The following PRKCE variants were observed in gnomAD, a reference collection of about 807,000 sequenced individuals.
PRKCE encodes the protein protein kinase C epsilon type.
Under a neutral mutation model 85.4 loss-of-function variants are expected in PRKCE, and 16 were observed. That is an observed-to-expected ratio of 0.19 (90% CI 0.13 to 0.28). The LOEUF (loss-of-function observed/expected upper bound fraction) is 0.28. Among genes scored for constraint, PRKCE ranks in the 10% least tolerant of loss-of-function variants. PRKCE has a pLI of 1.00. For synonymous variants in PRKCE, 388 were observed against 371.5 expected (o/e 1.04, Z -0.51); for missense variants, 573 against 975.2 (o/e 0.59, Z 5.49).
At chr2:45,689,738 A>G (rs1205696804) in intron 1 of PRKCE, among the ~76,000 whole-genome samples, 1 of 151,910 alleles carries the variant, frequency 6.6e-6, no homozygotes, top group Non-Finnish European at 1.5e-5. Context: ...TCTACTTAAA[A>G]TACAAAGATT....
chr2:45,869,976 G>A (rs1204904763), intron 2 of PRKCE, among the ~76,000 whole-genome samples: 1 of 152,120 alleles, frequency 6.6e-6, no homozygotes, highest in East Asian at 1.9e-4. Context: ...AAAGTGCTGG[G>A]ATTACAGGCA....
At chr2:46,108,589 C>G (rs1373633700) in intron 11 of PRKCE, among the ~76,000 whole-genome samples, 1 of 152,168 alleles carries the variant, frequency 6.6e-6, no homozygotes. Context: ...ACTGAAGACC[C>G]TGACATCACC....
chr2:45,798,728 C>T (rs367613542), intron 1 of PRKCE, among the ~76,000 whole-genome samples: 242 of 147,544 alleles, frequency 1.6e-3, no homozygotes, highest in African/African-American at 5.8e-3. Context: ...TTTATAATAT[C>T]GTTTCAAAGT....
At chr2:45,712,282 C>T (rs759643906) in intron 1 of PRKCE, among the ~76,000 whole-genome samples, 30 of 150,712 alleles carry the variant, frequency 2.0e-4, no homozygotes, top group Admixed American at 9.9e-4. Flanking sequence ...CGAGTAGCTG[C>T]GATTACAGGC....
chr2:45,976,040 G>T (rs1051285612), intron 2 of PRKCE, among the ~76,000 whole-genome samples: 1 of 152,172 alleles, frequency 6.6e-6, no homozygotes, highest in East Asian at 1.9e-4. Context: ...TGCTCAGGGG[G>T]AGGAAACACC....
intron 6 of PRKCE, among the ~76,000 whole-genome samples, chr2:45,987,849 C>A (rs549743437): frequency 1.3e-5 from 2 of 152,344 alleles, no homozygotes; most frequent in South Asian, 4.1e-4. Flanking sequence ...GGCTTCTTGG[C>A]CCTGTAGACT....
intron 2 of PRKCE, among the ~76,000 whole-genome samples, chr2:45,935,616 A>G (rs897425012): frequency 1.3e-5 from 2 of 152,064 alleles, no homozygotes; most frequent in Admixed American, 6.5e-5. Flanking sequence ...GTGAAACCCC[A>G]TCTCTACTAA....
intron 2 of PRKCE, among the ~76,000 whole-genome samples, chr2:45,965,074 T>C (rs1310935220): frequency 6.6e-6 from 1 of 152,222 alleles, no homozygotes; most frequent in Non-Finnish European, 1.5e-5. Context: ...ATGCAGGCAA[T>C]CTCAAACCTC....
intron 1 of PRKCE, among the ~76,000 whole-genome samples, chr2:45,836,107 G>A (rs1168503276): frequency 6.6e-6 from 1 of 152,124 alleles, no homozygotes; most frequent in Non-Finnish European, 1.5e-5. Flanking sequence ...TATTGAAGTA[G>A]TATAAGCTAA....
At chr2:45,698,621 AG>A (rs754587961) in intron 1 of PRKCE, among the ~76,000 whole-genome samples, 22 of 151,820 alleles carry the variant, frequency 1.4e-4, no homozygotes, top group Non-Finnish European at 2.2e-4. Context: ...AGAGGAAGAG[AG>A]GGGGAGGGGT....
At chr2:45,787,778 A>G (rs1573358535) in intron 1 of PRKCE, among the ~76,000 whole-genome samples, 1 of 152,218 alleles carries the variant, frequency 6.6e-6, no homozygotes, top group African/African-American at 2.4e-5. Flanking sequence ...GGATTTTTGC[A>G]TCTAAAGAAA....
intron 10 of PRKCE, among the ~76,000 whole-genome samples, chr2:46,053,576 ACCTC>A (rs1184822318): frequency 2.0e-5 from 3 of 152,152 alleles, no homozygotes; most frequent in Non-Finnish European, 4.4e-5. Flanking sequence ...CATTCTAGGT[ACCTC>A]ATGTGAGCGG....
At chr2:45,814,576 T>C (rs908482227) in intron 1 of PRKCE, among the ~76,000 whole-genome samples, 10 of 152,126 alleles carry the variant, frequency 6.6e-5, no homozygotes, top group Admixed American at 2.0e-4. Context: ...TACTTGTACA[T>C]GGAAAAGGAG....
intron 1 of PRKCE, among the ~76,000 whole-genome samples, chr2:45,654,887 T>G (rs1311304903): frequency 6.6e-6 from 1 of 152,152 alleles, no homozygotes; most frequent in East Asian, 1.9e-4. Context: ...TTCCCAGTCT[T>G]AACATTCAGG....
In PRKCE at chr2:45,749,778, C is replaced by G. The variant is rs114585708; in HGVS notation, c.349-93222C>G. On this transcript the variant is annotated intron_variant, in intron 1 of 14. Coordinates refer to ENST00000306156, the MANE Select transcript of PRKCE (RefSeq NM_005400.3). ...AATTGAACATGAGTCTGCTTGGTTT[C>G]TAAAGTCTTTGCTCTCAAATGCTGC... is the stretch of plus-strand genomic sequence containing the variant. Among the ~76,000 whole-genome samples the G allele has an allele frequency of 6.1e-3, 936 of 152,270 alleles. 18 individuals carry two copies. The highest frequency in any genetic ancestry group is 0.022 in the African/African-American group (895 of 41,562).
At chr2:46,044,944 A>G (rs1254353959) in intron 10 of PRKCE, among the ~76,000 whole-genome samples, 1 of 152,158 alleles carries the variant, frequency 6.6e-6, no homozygotes, top group Admixed American at 6.5e-5. Flanking sequence ...TTCTTATTCT[A>G]TATACTTCGT....
At chr2:45,908,691 C>T (rs1409947439) in intron 2 of PRKCE, among the ~76,000 whole-genome samples, 1 of 152,178 alleles carries the variant, frequency 6.6e-6, no homozygotes, top group Non-Finnish European at 1.5e-5. Flanking sequence ...GTTCTTCTCA[C>T]ACTCAGGTTT....
chr2:45,966,239 A>C (rs1222193044), intron 2 of PRKCE, among the ~76,000 whole-genome samples: 1 of 152,226 alleles, frequency 6.6e-6, no homozygotes, highest in African/African-American at 2.4e-5. Context: ...ATGAATATGT[A>C]ATGTTGATAC....
chr2:45,662,863 A>ACAAGCAAGCAAGCAAG (rs147813647), intron 1 of PRKCE, among the ~76,000 whole-genome samples: 1 of 147,666 alleles, frequency 6.8e-6, no homozygotes, highest in South Asian at 2.1e-4. Flanking sequence ...TACTCTGAAA[A>ACAAGCAAGCAAGCAAG]CAAGCAAGCA....
Sources: allele counts gnomAD v4.1 joint callset (sites outside exome capture counted in the v4.1 genomes callset), GRCh38; gene constraint gnomAD v4.1.1; transcripts MANE v1.5; gene names NCBI Gene and HGNC (gene_info 2026-07-23, HGNC 2026-07-21).